The following RBMS3 variants were observed in gnomAD, a reference collection of about 807,000 sequenced individuals.
The protein encoded by RBMS3 is RNA-binding motif, single-stranded-interacting protein 3.
RBMS3 carries 27 observed loss-of-function variants against 66.8 expected under a neutral mutation model. The ratio of observed to expected loss-of-function variants is 0.40; its 90% confidence interval spans 0.30 to 0.56. RBMS3 has a LOEUF of 0.56. Ranked by LOEUF, RBMS3 falls within the 20% of genes least tolerant of loss-of-function variation. The pLI is 0.40. For missense variants in RBMS3, 513 were observed against 549.5 expected (o/e 0.93, Z 0.66); for synonymous variants, 188 against 183.0 (o/e 1.03, Z -0.22).
At chr3:29,787,039 C>T (rs139428086) in intron 6 of RBMS3, among the ~76,000 whole-genome samples, 2,646 of 152,024 alleles carry the variant, frequency 0.017, 60 homozygotes, top group Middle Eastern at 0.061. Context: ...AGACAATTCT[C>T]AAAAGAAGAT....
At chr3:29,899,860 C>T (rs2060212887) in intron 10 of RBMS3, 105 bp downstream of exon 10, 9 of 1,094,432 alleles carry the variant, frequency 8.2e-6, no homozygotes, top group East Asian at 7.4e-5. Context: ...ATATGTAACT[C>T]GTTCAGGCAG....
intron 6 of RBMS3, among the ~76,000 whole-genome samples, chr3:29,831,957 G>C (rs1176929362): frequency 6.6e-6 from 1 of 152,038 alleles, no homozygotes; most frequent in Non-Finnish European, 1.5e-5. Flanking sequence ...TTTGGTGTGT[G>C]ATCATCATAA....
intron 1 of RBMS3, among the ~76,000 whole-genome samples, chr3:29,394,319 T>C (rs1369374597): frequency 1.3e-5 from 2 of 152,214 alleles, no homozygotes; most frequent in Non-Finnish European, 2.9e-5. Context: ...GTTATCTCCC[T>C]TGTTCCCTGA....
Position 29,745,248 on chromosome 3 carries a change from G to GTT in RBMS3, c.557+5379_557+5380dup, listed in dbSNP as rs148192416. ...ATTTTATTTTATTTTGTGTGTGTGT[G>GTT]TTTTTTTTTACTCTCTTGTAACTTA... is the stretch of plus-strand genomic sequence containing the variant. On this transcript the variant is annotated intron_variant, in intron 5 of 14. Coordinates refer to ENST00000383767, the MANE Select transcript of RBMS3 (RefSeq NM_001003793.3). 5.0e-4 allele frequency among the ~76,000 whole-genome samples: 76 copies of GTT among 150,890 alleles called. No homozygotes were observed. The South Asian group carries it at 7.3e-3, about 15-fold the overall frequency.
rs569548883 is a variant in RBMS3 at position 29,345,222 on chromosome 3, A to G, written c.75+63466A>G. On this transcript the variant is annotated intron_variant, in intron 1 of 14. Transcript: ENST00000383767. ...CTAGAGCTAAGGGGCAGCAATTTGC[A>G]TTATTTATTCAATGAATTCTACCTG... Among the ~76,000 whole-genome samples the G allele has an allele frequency of 5.3e-5, 8 of 152,344 alleles. No individual in the cohort carries two copies. In the East Asian group the frequency reaches 7.7e-4, roughly 15 times the overall value.
chr3:29,582,111 G>A (rs1042718780), intron 3 of RBMS3, among the ~76,000 whole-genome samples: 2 of 151,890 alleles, frequency 1.3e-5, no homozygotes, highest in African/African-American at 4.8e-5. Flanking sequence ...AAACAAATAA[G>A]AACCATCTGG....
At position 29,527,184 on chromosome 3, in the gene RBMS3, A is replaced by T. The variant is rs1441966908; in HGVS notation, c.307+38685A>T. ...CAGACGTGATTGTTAGGTAGAGTAAAAAAAAAAAAAAAAAAAAAAAAAAAA... is the reference window on the plus strand; with the variant it reads ...CAGACGTGATTGTTAGGTAGAGTAATAAAAAAAAAAAAAAAAAAAAAAAAA... On this transcript the variant is annotated intron_variant, in intron 3 of 14. Coordinates refer to ENST00000383767, the MANE Select transcript of RBMS3 (RefSeq NM_001003793.3). Among the ~76,000 whole-genome samples, 16 of 46,578 alleles carry T rather than the reference A, an allele frequency of 3.4e-4. 1 individual carries two copies. The highest frequency in any genetic ancestry group is 8.5e-4 in the Admixed American group (4 of 4,684). 30.6% of individuals were successfully genotyped at this position (46,578 alleles called of 152,430 possible). A position where few individuals can be genotyped will look rare whatever the true frequency, so the allele number is the denominator to read the frequency against.
chr3:29,739,681 A>T (rs1392315792), intron 4 of RBMS3, 39 bp from the exon 5 acceptor site: 2 of 1,517,584 alleles, frequency 1.3e-6, no homozygotes, highest in African/African-American at 2.8e-5. Context: ...GTTTCTCAAT[A>T]CTCAGAACTT....
intron 6 of RBMS3, among the ~76,000 whole-genome samples, chr3:29,802,517 A>G (rs1685814928): frequency 6.6e-6 from 1 of 152,210 alleles, no homozygotes; most frequent in Admixed American, 6.5e-5. Context: ...ACTGAAATAT[A>G]ACCCATGATC....
At position 29,515,423 on chromosome 3, in the gene RBMS3, A is replaced by G. The variant is rs76481639; in HGVS notation, c.307+26924A>G. ...GGGTAAAGAGCTTGTTATAAAGGCA[A>G]TGGAAACCAAGGAGAGGTTTATAGG... On this transcript the variant is annotated intron_variant, in intron 3 of 14. Coordinates refer to ENST00000383767, the MANE Select transcript of RBMS3 (RefSeq NM_001003793.3). 3.2e-3 allele frequency among the ~76,000 whole-genome samples: 485 copies of G among 152,320 alleles called. 4 individuals are homozygous for G. The East Asian group carries it at 0.05, about 16-fold the overall frequency.
At chr3:29,925,404 G>C (rs894537270) in intron 10 of RBMS3, among the ~76,000 whole-genome samples, 4 of 152,098 alleles carry the variant, frequency 2.6e-5, no homozygotes, top group African/African-American at 9.7e-5. Context: ...TGTGAAGGTT[G>C]CCATGAAAAT....
In RBMS3 at chr3:29,842,872, A is replaced by T. The variant is rs145928076; in HGVS notation, c.638-25986A>T. On this transcript the variant is annotated intron_variant, in intron 6 of 14. Transcript: ENST00000383767. ...GCTTCTAGAACCTGAAAAGGCAAGG[A>T]AGTATATGCTTGCCTAAAGCCTCCA... Among the ~76,000 whole-genome samples the T allele has an allele frequency of 2.1e-3, 316 of 152,360 alleles. 1 individual carries two copies. Among genetic ancestry groups the T allele is most frequent in the African/African-American group, 7.0e-3 (292 of 41,598 alleles).
chr3:29,737,707 C>CACAAAA (rs760304345), intron 4 of RBMS3, among the ~76,000 whole-genome samples: 3 of 151,712 alleles, frequency 2.0e-5, no homozygotes, highest in South Asian at 2.1e-4. Flanking sequence ...TTTACCACTT[C>CACAAAA]ACAAAAACAA....
At chr3:29,719,134 A>G (rs547150676) in intron 4 of RBMS3, among the ~76,000 whole-genome samples, 34 of 151,946 alleles carry the variant, frequency 2.2e-4, no homozygotes, top group Non-Finnish European at 4.0e-4. Context: ...GGGGCCTAAG[A>G]CTCTCCATTT....
intron 10 of RBMS3, among the ~76,000 whole-genome samples, chr3:29,901,258 C>T (rs372140796): frequency 7.9e-5 from 12 of 151,636 alleles, no homozygotes; most frequent in Admixed American, 5.3e-4. Flanking sequence ...ACTGAGCCAA[C>T]GGAGGAAAAG....
At chr3:29,368,980 C>A (rs564607255) in intron 1 of RBMS3, among the ~76,000 whole-genome samples, 28 of 152,116 alleles carry the variant, frequency 1.8e-4, no homozygotes, top group African/African-American at 6.5e-4. Flanking sequence ...ACTGTGCAGG[C>A]ATAAAAAAAG....
At chr3:29,605,312 G>C (rs1473381548) in intron 4 of RBMS3, among the ~76,000 whole-genome samples, 1 of 151,798 alleles carries the variant, frequency 6.6e-6, no homozygotes, top group African/African-American at 2.4e-5. Context: ...CCAGCAGAAG[G>C]TTGTATACGC....
At chr3:29,287,705 TTAA>T (rs1441028505) in intron 1 of RBMS3, among the ~76,000 whole-genome samples, 1 of 152,034 alleles carries the variant, frequency 6.6e-6, no homozygotes, top group Non-Finnish European at 1.5e-5. Context: ...TTAATAAAAA[TTAA>T]TAACCTCTAG....
intron 7 of RBMS3, among the ~76,000 whole-genome samples, chr3:29,883,547 T>C (rs2059786132): frequency 6.6e-6 from 1 of 152,006 alleles, no homozygotes; most frequent in Non-Finnish European, 1.5e-5. Flanking sequence ...GGTGGTCTTA[T>C]TCCTAAAAAC....
Sources: gnomAD v4.1 joint callset for allele counts (sites outside exome capture counted in the v4.1 genomes callset) on GRCh38, gnomAD v4.1.1 for gene constraint, MANE v1.5 for transcripts, NCBI Gene and HGNC (gene_info 2026-07-23, HGNC 2026-07-21) for gene names.